Variants in FGF14 observed in about 807,000 individuals in gnomAD.
FGF14 encodes the protein fibroblast growth factor homologous factor 4.
FGF14 carries 5 observed loss-of-function variants against 25.5 expected under a neutral mutation model. The ratio of observed to expected loss-of-function variants is 0.20; its 90% CI spans 0.10 to 0.41. The LOEUF is 0.41. Among genes scored for constraint, FGF14 ranks in the 10% least tolerant of loss-of-function variants. The probability of loss-of-function intolerance (pLI) is 1.00; values close to 1 mark genes in which losing one functional copy is unlikely to be tolerated. For synonymous variants in FGF14, 138 were observed against 118.3 expected, an observed-to-expected ratio of 1.17 and a Z score of -1.08; for missense variants, 222 against 320.1, an observed-to-expected ratio of 0.69 and a Z score of 2.34.
chr13:102,400,457 G>A lies in FGF14; in HGVS notation c.208+1014C>T, dbSNP rs986072195. On this transcript the variant is annotated intron_variant, in intron 1 of 4. Coordinates refer to the FGF14 transcript ENST00000376131. This position sits in a 1 kb window ranked among gnomAD's most constrained non-coding sequence, Gnocchi z 4.3. Reference sequence around the variant, plus strand: ...CGTGAGCGGTTCCGGGAAAGGCTGCGCCCAGCCTCCTCGCCAGCGCCGCCG... The same window carrying A: ...CGTGAGCGGTTCCGGGAAAGGCTGCACCCAGCCTCCTCGCCAGCGCCGCCG... Among the ~76,000 whole-genome samples, 7 of 152,156 alleles carry A rather than the reference G, an allele frequency of 4.6e-5. No individual in the cohort carries two copies. The highest frequency in any genetic ancestry group is 1.4e-4 in the African/African-American group (6 of 41,436).
At chr13:101,920,115 G>A (rs1331771215), upstream of FGF14, among the ~76,000 whole-genome samples, 1 of 152,204 alleles carries the variant, frequency 6.6e-6, no homozygotes, top group African/African-American at 2.4e-5. Flanking sequence ...AAACGCAAGA[G>A]AGCCATCTGC....
intron 1 of FGF14, among the ~76,000 whole-genome samples, chr13:102,031,390 T>G (rs2041200194): frequency 6.6e-6 from 1 of 152,084 alleles, no homozygotes; most frequent in Non-Finnish European, 1.5e-5. Context: ...TATTTGAAGC[T>G]CAAAAATGCT....
At chr13:101,725,967 C>T (rs954567128) in intron 4 of FGF14, among the ~76,000 whole-genome samples, 5 of 151,854 alleles carry the variant, frequency 3.3e-5, no homozygotes, top group Admixed American at 6.6e-5. Context: ...TCCATTCATC[C>T]GGCATGGATG....
intron 1 of FGF14, among the ~76,000 whole-genome samples, chr13:102,052,618 T>C (rs1216311161): frequency 6.6e-6 from 1 of 151,630 alleles, no homozygotes; most frequent in Admixed American, 6.6e-5. Context: ...CAGGAAAAAG[T>C]GAAATGATAG....
intron 3 of FGF14, among the ~76,000 whole-genome samples, chr13:101,804,673 C>CATAT (rs141106237): frequency 1.5e-4 from 23 of 150,712 alleles, no homozygotes; most frequent in Admixed American, 2.0e-4. Flanking sequence ...ATACAAAATA[C>CATAT]ATATATATAT....
chr13:101,897,323 G>A (rs552296231), intron 1 of FGF14, among the ~76,000 whole-genome samples: 7 of 152,280 alleles, frequency 4.6e-5, no homozygotes, highest in Admixed American at 2.0e-4. Flanking sequence ...TAGAGCAGCC[G>A]AGTCACTTAT....
intron 1 of FGF14, among the ~76,000 whole-genome samples, chr13:102,168,431 G>A (rs773035423): frequency 2.0e-5 from 3 of 151,964 alleles, no homozygotes; most frequent in South Asian, 4.2e-4. Context: ...TGCCCACCTC[G>A]GCCTCCCAGA....
intron 3 of FGF14, among the ~76,000 whole-genome samples, chr13:101,730,582 G>A (rs964008826): frequency 1.4e-4 from 21 of 152,306 alleles, no homozygotes; most frequent in African/African-American, 5.1e-4. Flanking sequence ...AAACAAAAAT[G>A]CTCTTGAGAG....
At chr13:101,965,602 G>A (rs1014820316) in intron 1 of FGF14, among the ~76,000 whole-genome samples, 2 of 151,578 alleles carry the variant, frequency 1.3e-5, no homozygotes, top group Admixed American at 6.6e-5. Context: ...AATACTTAAG[G>A]AGAGAATAAA....
chr13:102,222,861 G>C (rs147504152), intron 1 of FGF14, among the ~76,000 whole-genome samples: 5 of 152,090 alleles, frequency 3.3e-5, no homozygotes, highest in African/African-American at 9.7e-5. Flanking sequence ...TGTCCAGCCC[G>C]AAGTGCTGAT....
chr13:102,254,251 T>C (rs1021567267), intron 1 of FGF14, among the ~76,000 whole-genome samples: 2 of 152,232 alleles, frequency 1.3e-5, no homozygotes, highest in Non-Finnish European at 2.9e-5. Context: ...TGAGTGCTTA[T>C]GGCACAAACT....
chr13:101,963,434 A>G (rs1427449360), intron 1 of FGF14, among the ~76,000 whole-genome samples: 1 of 152,000 alleles, frequency 6.6e-6, no homozygotes, highest in Admixed American at 6.6e-5. Context: ...TAATTCTGAC[A>G]TTTGTGGGGC....
chr13:102,159,055 A>T (rs563649862), intron 1 of FGF14, among the ~76,000 whole-genome samples: 34 of 150,304 alleles, frequency 2.3e-4, no homozygotes, highest in African/African-American at 8.3e-4. Context: ...CAGGAGAATC[A>T]CTTGAACCCA....
chr13:102,268,947 C>T (rs2053122795), intron 1 of FGF14, among the ~76,000 whole-genome samples: 1 of 152,104 alleles, frequency 6.6e-6, no homozygotes, highest in Admixed American at 6.6e-5. Context: ...GTTATTTATG[C>T]TGGCAAAATA....
chr13:102,047,670 G>A (rs1344759914), intron 1 of FGF14, among the ~76,000 whole-genome samples: 7 of 152,038 alleles, frequency 4.6e-5, no homozygotes, highest in Non-Finnish European at 2.9e-5. Context: ...CACACACCGG[G>A]GCCTGTTGTG....
intron 1 of FGF14, among the ~76,000 whole-genome samples, chr13:102,143,726 G>A (rs999815774): frequency 5.3e-5 from 8 of 152,084 alleles, no homozygotes; most frequent in African/African-American, 7.2e-5. Context: ...ATTTAACCCC[G>A]AAGACACTAT....
intron 1 of FGF14, among the ~76,000 whole-genome samples, chr13:102,164,918 A>G (rs1050458293): frequency 5.3e-5 from 8 of 152,212 alleles, no homozygotes; most frequent in Non-Finnish European, 1.2e-4. Context: ...GCATAGTGAC[A>G]ATATGAAAGT....
intron 1 of FGF14, among the ~76,000 whole-genome samples, chr13:102,271,983 T>C (rs1358753289): frequency 3.3e-5 from 5 of 152,158 alleles, no homozygotes; most frequent in African/African-American, 7.2e-5. Flanking sequence ...AACATACATG[T>C]GATCTGTCTC....
intron 1 of FGF14, among the ~76,000 whole-genome samples, chr13:102,024,035 CATTTCA>C (rs2040803659): frequency 6.6e-6 from 1 of 151,992 alleles, no homozygotes; most frequent in Non-Finnish European, 1.5e-5. Context: ...AGTTAATGAA[CATTTCA>C]GTTGTCTCCA....
Sources: allele counts gnomAD v4.1 joint callset (sites outside exome capture counted in the v4.1 genomes callset), GRCh38; gene constraint gnomAD v4.1.1; non-coding constraint Gnocchi (gnomAD v3.1); transcripts MANE v1.5; gene names NCBI Gene and HGNC (gene_info 2026-07-23, HGNC 2026-07-21).